Variants in SBNO1 observed in about 807,000 individuals in gnomAD.
The protein encoded by SBNO1 is strawberry notch homolog 1, also known as protein strawberry notch homolog 1.
In SBNO1, 23 loss-of-function variants were observed where a neutral mutation model predicts 173.6. The observed-to-expected ratio is 0.13, with a 90% confidence interval of 0.10 to 0.19. The LOEUF is 0.19. Among genes scored for constraint, SBNO1 ranks in the 10% least tolerant of loss-of-function variants. The pLI, the probability that SBNO1 is intolerant of heterozygous loss-of-function variation, is 1.00. For missense variants in SBNO1, 1,238 were observed against 1,671.2 expected (o/e 0.74, Z 4.52); for synonymous variants, 632 against 571.5 (o/e 1.11, Z -1.51).
At chr12:123,322,624 G>A (rs1870118118) in intron 16 of SBNO1, among the ~76,000 whole-genome samples, 1 of 151,928 alleles carries the variant, frequency 6.6e-6, no homozygotes, top group Non-Finnish European at 1.5e-5. Context: ...ACCAAAACAG[G>A]GCTGGGCGAG....
intron 30 of SBNO1, among the ~76,000 whole-genome samples, chr12:123,301,941 G>GT (rs745544572): frequency 0.015 from 2,243 of 146,016 alleles, 24 homozygotes; most frequent in African/African-American, 0.027. Flanking sequence ...CGAAAAAGTG[G>GT]TTTGTTTTTT....
At chr12:123,300,186 C>G (rs1011215101) in intron 30 of SBNO1, among the ~76,000 whole-genome samples, 2 of 152,152 alleles carry the variant, frequency 1.3e-5, no homozygotes, top group African/African-American at 2.4e-5. Flanking sequence ...GTATATAGGA[C>G]ACTTTTCTTG....
At chr12:123,311,927 AG>A (rs995583728) in intron 24 of SBNO1, among the ~76,000 whole-genome samples, 3 of 144,290 alleles carry the variant, frequency 2.1e-5, no homozygotes, top group African/African-American at 5.2e-5. Context: ...TTTTTTAGAG[AG>A]GGGGTTTCTC....
rs1420113915 is a variant in SBNO1, at chr12:123,313,579, C to T, written c.3220+41G>A. The T allele has an allele frequency of 5.7e-6, 6 of 1,055,678 alleles. No individual in the cohort carries two copies. In the South Asian group the frequency reaches 6.7e-5, roughly 12 times the overall value. 65.4% of individuals were successfully genotyped at this position (1,055,678 alleles called of 1,614,324 possible). ...ACAACAGGTTTGAGTACATCTTTGTCAATAATCATTGTCATTGTTATGAAT... is the reference window on the plus strand; with the variant it reads ...ACAACAGGTTTGAGTACATCTTTGTTAATAATCATTGTCATTGTTATGAAT... On this transcript the variant is annotated intron_variant, in intron 24 of 31. Coordinates refer to ENST00000602398, the MANE Select transcript of SBNO1 (RefSeq NM_001167856.3).
intron 5 of SBNO1, among the ~76,000 whole-genome samples, chr12:123,339,034 G>T (rs550382671): frequency 6.6e-6 from 1 of 151,750 alleles, no homozygotes; most frequent in South Asian, 2.1e-4. Flanking sequence ...AAATGGAAAT[G>T]TGAGAACCAC....
At chr12:123,310,117 A>G (rs2049015695) in intron 25 of SBNO1, among the ~76,000 whole-genome samples, 3 of 152,366 alleles carry the variant, frequency 2.0e-5, no homozygotes, top group Non-Finnish European at 2.9e-5. Flanking sequence ...AATTCAGTAC[A>G]TAAGAAAGTT....
In SBNO1 at chr12:123,317,233, T is replaced by C. The variant is rs1426137220; in HGVS notation, c.2923A>G (p.Ile975Val). The part of the protein sequence containing the change: ...LELPWSADRA[I>V]QQFGRTHRSN... The stretch of plus-strand genomic sequence containing the variant: ...TGTAGGAACTTACCGAACTGTTGAA[T>C]TGCTCTATCAGCGCTCCAAGGTAAT... Residue 975 changes from isoleucine (I) to valine (V), a missense_variant, in exon 21 of 32, where the codon ATT (isoleucine) becomes GTT (valine). Ile to Val is a conservative substitution (Grantham distance 29). Coordinates refer to ENST00000602398, the MANE Select transcript of SBNO1 (RefSeq NM_001167856.3). The C allele has an allele frequency of 1.2e-6, 2 of 1,614,152 alleles. No individual in the cohort carries two copies. The highest frequency in any genetic ancestry group is 3.3e-5 in the Admixed American group (2 of 59,990).
intron 1 of SBNO1, among the ~76,000 whole-genome samples, chr12:123,360,580 G>GA (rs1489849993): frequency 6.6e-6 from 1 of 151,800 alleles, no homozygotes; most frequent in African/African-American, 2.4e-5. Context: ...GAGTAGCTGG[G>GA]ATTATAGGTG....
chr12:123,311,261 G>C, intron 24 of SBNO1, 132 bp from the exon 25 acceptor site: 1 of 658,982 alleles, frequency 1.5e-6, no homozygotes, highest in Non-Finnish European at 2.7e-6. Flanking sequence ...TATAAACATG[G>C]AGAAAATGTG....
At chr12:123,347,249 CAG>C (rs1873285089) in intron 3 of SBNO1, among the ~76,000 whole-genome samples, 1 of 151,806 alleles carries the variant, frequency 6.6e-6, no homozygotes, top group Non-Finnish European at 1.5e-5. Context: ...GTTGTTGAGA[CAG>C]AGTCTCGCTC....
At chr12:123,308,387 T>G (rs2048973486) in intron 28 of SBNO1, among the ~76,000 whole-genome samples, 1 of 152,076 alleles carries the variant, frequency 6.6e-6, no homozygotes, top group South Asian at 2.1e-4. Context: ...TAAGAAAATG[T>G]TGGCCAGGTG....
intron 6 of SBNO1, 41 bp from the exon 7 acceptor site, chr12:123,334,254 A>C: frequency 1.7e-6 from 2 of 1,149,358 alleles, no homozygotes; most frequent in Non-Finnish European, 1.2e-6. Flanking sequence ...AATTATTCTA[A>C]GTAATAACAT....
intron 21 of SBNO1, among the ~76,000 whole-genome samples, chr12:123,316,089 C>G (rs1029919610): frequency 1.3e-5 from 2 of 152,208 alleles, no homozygotes; most frequent in East Asian, 3.9e-4. Flanking sequence ...CCCACAAATT[C>G]CCACCACATA....
chr12:123,309,428 A>G, intron 27 of SBNO1, 26 bp from the exon 28 acceptor site: 5 of 1,606,936 alleles, frequency 3.1e-6, no homozygotes, highest in Non-Finnish European at 4.3e-6. Flanking sequence ...CGAAATTTAA[A>G]CTCATTTCTG....
chr12:123,326,349 T>C lies in SBNO1; in HGVS notation c.1693-15A>G, dbSNP rs763183936. The C allele has an allele frequency of 6.5e-7, 1 of 1,549,660 alleles. No homozygotes were observed. The highest frequency in any genetic ancestry group is 2.3e-5 in the East Asian group (1 of 43,716). ...GCGATGACCCACTGAAGATACATAATCAACATTTCAGACACTTCATCTTTG... is the reference window on the plus strand; with the variant it reads ...GCGATGACCCACTGAAGATACATAACCAACATTTCAGACACTTCATCTTTG... On this transcript the variant is annotated splice_polypyrimidine_tract_variant and intron_variant, in intron 13 of 31. Coordinates refer to ENST00000602398, the MANE Select transcript of SBNO1 (RefSeq NM_001167856.3).
chr12:123,335,829 T>C (rs1342313302), intron 6 of SBNO1, among the ~76,000 whole-genome samples: 4 of 152,328 alleles, frequency 2.6e-5, no homozygotes, highest in East Asian at 1.9e-4. Context: ...GAATTTCAGA[T>C]AGGACTTCTA....
At chr12:123,350,482 A>G (rs748755704) in intron 1 of SBNO1, 41 bp from the exon 2 acceptor site, 2 of 1,499,176 alleles carry the variant, frequency 1.3e-6, no homozygotes, top group Non-Finnish European at 1.9e-6. Context: ...AAAAACAAAA[A>G]GTGACAAATA....
In SBNO1 at chr12:123,329,046, T is replaced by C. The variant is rs188692647; in HGVS notation, c.1135-151A>G. 2.8e-3 allele frequency: 1,485 copies of C among 532,712 alleles called. 7 individuals are homozygous for C. The highest frequency in any genetic ancestry group is 3.7e-3 in the Admixed American group (110 of 29,770). 33.0% of individuals were successfully genotyped at this position (532,712 alleles called of 1,614,324 possible). A position where few individuals can be genotyped will look rare whatever the true frequency, so the allele number is the denominator to read the frequency against. On this transcript the variant is annotated intron_variant, in intron 9 of 31. Transcript: ENST00000602398. ...GTACAGAGACGCAAATTTATTTGTATAAATGTACACAACACAAACACACAA... is the reference window on the plus strand; with the variant it reads ...GTACAGAGACGCAAATTTATTTGTACAAATGTACACAACACAAACACACAA...
At chr12:123,331,682 T>C (rs1036480839) in intron 7 of SBNO1, among the ~76,000 whole-genome samples, 27 of 151,912 alleles carry the variant, frequency 1.8e-4, no homozygotes, top group African/African-American at 5.1e-4. Context: ...CCACCACGCC[T>C]GGCTAATTTT....
Sources: allele counts gnomAD v4.1 joint callset (sites outside exome capture counted in the v4.1 genomes callset), GRCh38; gene constraint gnomAD v4.1.1; transcripts MANE v1.5; gene names NCBI Gene and HGNC (gene_info 2026-07-23, HGNC 2026-07-21).